Variants in PLXDC2 observed in about 807,000 individuals in gnomAD.
The protein encoded by PLXDC2 is plexin domain-containing protein 2.
A neutral mutation model predicts 68.9 loss-of-function variants in PLXDC2; 40 were observed. The observed-to-expected ratio is 0.58, with a 90% CI of 0.45 to 0.76. The LOEUF is 0.76. Among genes scored for constraint, PLXDC2 ranks in the 30% least tolerant of loss-of-function variants. The pLI, the probability that PLXDC2 is intolerant of heterozygous loss-of-function variation, is 0.00. For synonymous variants in PLXDC2, 243 were observed against 234.2 expected, an observed-to-expected ratio of 1.04 and a Z score of -0.34; for missense variants, 644 against 661.9, an observed-to-expected ratio of 0.97 and a Z score of 0.30.
rs1833222703 is a variant in PLXDC2 at position 20,087,925 on chromosome 10, A to G, written c.541+19686A>G. ...TCAAGGGCACAAAGGACACATTGGT[A>G]TGACATTTGGTCACACTGCCATCTT... On this transcript the variant is annotated intron_variant, in intron 4 of 13. Transcript: ENST00000377252. Among the ~76,000 whole-genome samples the G allele has an allele frequency of 2.0e-5, 3 of 152,342 alleles. No homozygotes were observed. The South Asian group carries it at 6.2e-4, about 32-fold the overall frequency.
At chr10:19,873,022 G>T (rs1275909590) in intron 1 of PLXDC2, among the ~76,000 whole-genome samples, 1 of 152,116 alleles carries the variant, frequency 6.6e-6, no homozygotes, top group Admixed American at 6.5e-5. Flanking sequence ...CCAAAGAATT[G>T]TTTTGACAGG....
At chr10:19,879,336 C>T (rs1837687860) in intron 1 of PLXDC2, among the ~76,000 whole-genome samples, 2 of 152,036 alleles carry the variant, frequency 1.3e-5, no homozygotes, top group South Asian at 4.1e-4. Flanking sequence ...ATAGAATGTA[C>T]TCAGCCAAGG....
intron 1 of PLXDC2, among the ~76,000 whole-genome samples, chr10:19,876,770 T>C (rs1342750138): frequency 1.3e-5 from 2 of 152,194 alleles, no homozygotes; most frequent in Non-Finnish European, 2.9e-5. Flanking sequence ...TTTTGAGTTA[T>C]GACAATGTTG....
chr10:20,263,740 A>G (rs1459673456), intron 13 of PLXDC2, among the ~76,000 whole-genome samples: 1 of 152,222 alleles, frequency 6.6e-6, no homozygotes, highest in East Asian at 1.9e-4. Context: ...ACTGATCATT[A>G]AAGAAATGCA....
intron 1 of PLXDC2, among the ~76,000 whole-genome samples, chr10:19,941,144 A>G (rs1009811546): frequency 1.3e-5 from 2 of 152,194 alleles, no homozygotes; most frequent in African/African-American, 4.8e-5. Flanking sequence ...TCTGATTCCT[A>G]GTCATGGAAA....
At chr10:19,846,898 G>A (rs1837019739) in intron 1 of PLXDC2, among the ~76,000 whole-genome samples, 1 of 152,120 alleles carries the variant, frequency 6.6e-6, no homozygotes, top group Non-Finnish European at 1.5e-5. Flanking sequence ...CTGAGGAGGT[G>A]TCACAATCAT....
chr10:19,988,587 T>C (rs1264800383), intron 1 of PLXDC2, among the ~76,000 whole-genome samples: 1 of 152,066 alleles, frequency 6.6e-6, no homozygotes, highest in East Asian at 1.9e-4. Context: ...TTAGTTATGA[T>C]ATTATCTCCA....
intron 1 of PLXDC2, among the ~76,000 whole-genome samples, chr10:19,974,898 A>T (rs1834422417): frequency 6.6e-6 from 1 of 152,170 alleles, no homozygotes; most frequent in Non-Finnish European, 1.5e-5. Context: ...TTGTTGAAGG[A>T]CCCAGGAAAA....
At chr10:20,134,630 T>TG (rs1833911369) in intron 4 of PLXDC2, among the ~76,000 whole-genome samples, 1 of 152,150 alleles carries the variant, frequency 6.6e-6, no homozygotes, top group African/African-American at 2.4e-5. Flanking sequence ...GCCTACATCT[T>TG]GGGTCTATGG....
At chr10:19,925,076 C>G (rs1211598649) in intron 1 of PLXDC2, among the ~76,000 whole-genome samples, 3 of 152,174 alleles carry the variant, frequency 2.0e-5, no homozygotes, top group Non-Finnish European at 4.4e-5. Flanking sequence ...AATTTGTGAA[C>G]CTGCTTGAGA....
intron 4 of PLXDC2, among the ~76,000 whole-genome samples, chr10:20,123,495 T>C (rs1833727934): frequency 1.3e-5 from 2 of 151,950 alleles, no homozygotes; most frequent in Admixed American, 1.3e-4. Flanking sequence ...TTGGAACTAC[T>C]GTCGAGTTTG....
intron 12 of PLXDC2, among the ~76,000 whole-genome samples, chr10:20,226,407 CT>C (rs1296523214): frequency 2.6e-5 from 4 of 152,164 alleles, no homozygotes; most frequent in Admixed American, 1.3e-4. Context: ...TTGGACACCC[CT>C]GATTTAAGCT....
intron 1 of PLXDC2, among the ~76,000 whole-genome samples, chr10:19,962,305 A>C (rs1450228159): frequency 6.8e-6 from 1 of 147,876 alleles, no homozygotes; most frequent in Non-Finnish European, 1.5e-5. Flanking sequence ...TTACAACAGT[A>C]ATATGATAAA....
rs186584191 is a variant in PLXDC2, at chr10:19,952,696, A to T, written c.113-49079A>T. 3.3e-5 allele frequency among the ~76,000 whole-genome samples: 5 copies of T among 152,290 alleles called. No homozygotes were observed. The East Asian group carries it at 7.7e-4, about 24-fold the overall frequency. On this transcript the variant is annotated intron_variant, in intron 1 of 13. Transcript: ENST00000377252. ...GCTTGGGTAAAGAGGACCTGCTTGGATATGTACCTATTTAAAAAGCATTTA... is the reference window on the plus strand; with the variant it reads ...GCTTGGGTAAAGAGGACCTGCTTGGTTATGTACCTATTTAAAAAGCATTTA...
chr10:19,889,018 T>C (rs188049865), intron 1 of PLXDC2, among the ~76,000 whole-genome samples: 4 of 152,170 alleles, frequency 2.6e-5, no homozygotes, highest in Non-Finnish European at 4.4e-5. Flanking sequence ...TGGCTTAATC[T>C]TGCAGAGGGT....
At chr10:20,175,734 A>T (rs1044552334) in intron 7 of PLXDC2, among the ~76,000 whole-genome samples, 3 of 152,172 alleles carry the variant, frequency 2.0e-5, no homozygotes, top group African/African-American at 4.8e-5. Flanking sequence ...TGGGAGACTA[A>T]GGTGGGAGGA....
At chr10:20,215,074 G>C (rs564241809) in intron 10 of PLXDC2, among the ~76,000 whole-genome samples, 1 of 152,234 alleles carries the variant, frequency 6.6e-6, no homozygotes, top group South Asian at 2.1e-4. Context: ...ATAGAATGAA[G>C]TGACAGAGCA....
chr10:19,855,751 G>A (rs11596700), intron 1 of PLXDC2, among the ~76,000 whole-genome samples: 24,667 of 151,920 alleles, frequency 0.16, 2,147 homozygotes, highest in East Asian at 0.37. Context: ...TAATATAATG[G>A]GCATAGTTTA....
intron 4 of PLXDC2, among the ~76,000 whole-genome samples, chr10:20,075,762 A>G (rs1836430854): frequency 6.6e-6 from 1 of 152,334 alleles, no homozygotes; most frequent in Admixed American, 6.5e-5. Flanking sequence ...GCATTGGCAC[A>G]TGATGGATAA....
Sources: gnomAD v4.1 joint callset for allele counts (sites outside exome capture counted in the v4.1 genomes callset) on GRCh38, gnomAD v4.1.1 for gene constraint, MANE v1.5 for transcripts, NCBI Gene and HGNC (gene_info 2026-07-23, HGNC 2026-07-21) for gene names.